Variants in CCDC57 observed in about 807,000 individuals in gnomAD.
The protein encoded by CCDC57 is coiled-coil domain containing 57.
A neutral mutation model predicts 118.9 loss-of-function variants in CCDC57; 118 were observed. The observed-to-expected ratio is 0.99, with a 90% CI of 0.86 to 1.16. The LOEUF (loss-of-function observed/expected upper bound fraction) is 1.16. Ranked by LOEUF, CCDC57 falls within the 50% of genes most tolerant of loss-of-function variation. CCDC57 has a pLI of 0.00. For synonymous variants in CCDC57, 527 were observed against 532.9 expected (o/e 0.99, Z 0.15); for missense variants, 1,300 against 1,320.7 (o/e 0.98, Z 0.24).
At chr17:82,102,304 C>T (rs577137912) in intron 19 of CCDC57, among the ~76,000 whole-genome samples, 6 of 152,314 alleles carry the variant, frequency 3.9e-5, no homozygotes, top group Admixed American at 2.0e-4. Flanking sequence ...TGCCTGCCCC[C>T]GCCTCCCCGA....
chr17:82,183,570 C>T (rs555209283), intron 9 of CCDC57, among the ~76,000 whole-genome samples: 13 of 152,236 alleles, frequency 8.5e-5, no homozygotes, highest in Non-Finnish European at 1.8e-4. Context: ...TGGCCATGCT[C>T]CCTCCAGCAG....
intron 19 of CCDC57, among the ~76,000 whole-genome samples, chr17:82,104,089 G>A (rs1312390522): frequency 2.0e-5 from 3 of 152,194 alleles, no homozygotes; most frequent in African/African-American, 7.2e-5. Flanking sequence ...GACTCCCTGT[G>A]ACCCCGGATT....
At chr17:82,123,982 C>CAAAAA (rs200031813) in intron 19 of CCDC57, among the ~76,000 whole-genome samples, 107 of 64,234 alleles carry the variant, frequency 1.7e-3, no homozygotes, top group East Asian at 4.6e-3. Context: ...CATCCAAAAG[C>CAAAAA]AAAAAAAAAA....
At chr17:82,146,092 AC>A (rs1053269101) in intron 16 of CCDC57, among the ~76,000 whole-genome samples, 19 of 152,124 alleles carry the variant, frequency 1.2e-4, no homozygotes, top group African/African-American at 4.6e-4. Context: ...GCTGCAGGTG[AC>A]CCCTGGGCCA....
At chr17:82,142,419 T>A (rs1014278872) in intron 16 of CCDC57, among the ~76,000 whole-genome samples, 1 of 152,146 alleles carries the variant, frequency 6.6e-6, no homozygotes, top group Non-Finnish European at 1.5e-5. Flanking sequence ...ATCAAGCGAT[T>A]CTTCTGCCTC....
chr17:82,144,912 G>A (rs1360861189), intron 16 of CCDC57, among the ~76,000 whole-genome samples: 2 of 151,850 alleles, frequency 1.3e-5, no homozygotes, highest in African/African-American at 4.8e-5. Context: ...TGGCCCCACA[G>A]TAAGCCCCCT....
chr17:82,184,838 GAA>G (rs1182641036), intron 8 of CCDC57: 2 of 152,316 alleles, frequency 1.3e-5, no homozygotes, highest in Non-Finnish European at 2.9e-5. Flanking sequence ...TAGGACAGCT[GAA>G]AAGAGACACC....
intron 12 of CCDC57, 51 bp from the exon 12 acceptor site, chr17:82,171,904 A>C (rs1292008648): frequency 4.4e-6 from 7 of 1,576,260 alleles, no homozygotes; most frequent in Non-Finnish European, 5.2e-6. Flanking sequence ...ATCCTTTCGC[A>C]CCTCCCTCCT....
At chr17:82,133,871 A>ACAAT (rs2038794626) in intron 17 of CCDC57, among the ~76,000 whole-genome samples, 2 of 151,994 alleles carry the variant, frequency 1.3e-5, no homozygotes, top group East Asian at 3.9e-4. Flanking sequence ...AAACAAACAA[A>ACAAT]CAAATGAGAA....
At chr17:82,101,743 G>A (rs2034465697) in exon 20 of CCDC57, 1 of 1,609,210 alleles carries the variant, frequency 6.2e-7, no homozygotes, top group Middle Eastern at 1.7e-4. Context: ...AGCTTTTGCA[G>A]GATGAGACCG....
intron 15 of CCDC57, 34 bp downstream of exon 14, chr17:82,157,714 C>T (rs779218178): frequency 8.4e-6 from 13 of 1,544,016 alleles, no homozygotes; most frequent in Admixed American, 3.9e-5. Flanking sequence ...GCAGGAACCT[C>T]GGCGGGTGGC....
chr17:82,128,135 A>G (rs1417564608), intron 18 of CCDC57, among the ~76,000 whole-genome samples: 1 of 152,100 alleles, frequency 6.6e-6, no homozygotes, highest in African/African-American at 2.4e-5. Context: ...CCTGAATCTC[A>G]GTGCTCGTCT....
intron 4 of CCDC57, among the ~76,000 whole-genome samples, chr17:82,196,462 A>G (rs1017910128): frequency 3.9e-5 from 6 of 152,222 alleles, no homozygotes; most frequent in Admixed American, 1.3e-4. Flanking sequence ...TTCCGGGGAC[A>G]ACTGGACAGT....
At chr17:82,170,670 C>T (rs1220075199) in intron 13 of CCDC57, among the ~76,000 whole-genome samples, 1 of 152,086 alleles carries the variant, frequency 6.6e-6, no homozygotes, top group African/African-American at 2.4e-5. Context: ...TGCCGGCAAC[C>T]TGATCTCTGA....
intron 19 of CCDC57, among the ~76,000 whole-genome samples, 160 bp from the exon 19 acceptor site, chr17:82,102,026 A>G (rs767746019): frequency 6.6e-6 from 1 of 152,244 alleles, no homozygotes; most frequent in Non-Finnish European, 1.5e-5. Flanking sequence ...GTGAAGGCCA[A>G]AGGATCCTGG....
At chr17:82,110,137 C>T (rs767502958) in intron 19 of CCDC57, among the ~76,000 whole-genome samples, 33 of 151,592 alleles carry the variant, frequency 2.2e-4, no homozygotes, top group Non-Finnish European at 4.0e-4. Flanking sequence ...CCTGCCACCA[C>T]GGCCAGATAA....
chr17:82,157,235 G>A (rs113355558), intron 15 of CCDC57: 1,997 of 168,308 alleles, frequency 0.012, 23 homozygotes, highest in South Asian at 0.027. Context: ...TCACTCCCTC[G>A]GGGCCAAGGG....
chr17:82,179,684 G>A (rs983078846), intron 9 of CCDC57, among the ~76,000 whole-genome samples: 2 of 152,096 alleles, frequency 1.3e-5, no homozygotes, highest in African/African-American at 2.4e-5. Flanking sequence ...GGGTGGGAAC[G>A]CAGGAACCCG....
chr17:82,142,455 G>A (rs2040143434), intron 16 of CCDC57, among the ~76,000 whole-genome samples: 1 of 152,150 alleles, frequency 6.6e-6, no homozygotes, highest in African/African-American at 2.4e-5. Flanking sequence ...TGGGACTATA[G>A]GCGCGCAACA....
Sources: gnomAD v4.1 joint callset for allele counts (sites outside exome capture counted in the v4.1 genomes callset) on GRCh38, gnomAD v4.1.1 for gene constraint, MANE v1.5 for transcripts, NCBI Gene and HGNC (gene_info 2026-07-23, HGNC 2026-07-21) for gene names.